SRGAP3: variants seen among roughly 807,000 people sequenced by gnomAD.
SRGAP3 encodes SLIT-ROBO Rho GTPase-activating protein 3.
Under a neutral mutation model 121.1 loss-of-function variants are expected in SRGAP3, and 39 were observed. That is an observed-to-expected ratio of 0.32 (90% confidence interval 0.25 to 0.42). The LOEUF (loss-of-function observed/expected upper bound fraction) is 0.42, where lower values mean the gene tolerates loss of function less well. Ranked by LOEUF, SRGAP3 falls within the 10% of genes least tolerant of loss-of-function variation. The pLI, the probability that SRGAP3 is intolerant of heterozygous loss-of-function variation, is 1.00. For missense variants in SRGAP3, 1,213 were observed against 1,470.6 expected, an observed-to-expected ratio of 0.82 and a Z score of 2.86; for synonymous variants, 601 against 570.0, an observed-to-expected ratio of 1.05 and a Z score of -0.77.
intron 1 of SRGAP3, among the ~76,000 whole-genome samples, chr3:9,142,409 A>G (rs1430003667): frequency 6.6e-6 from 1 of 152,230 alleles, no homozygotes; most frequent in Non-Finnish European, 1.5e-5. Context: ...CCAATGTCGT[A>G]GCAAATTTCA....
chr3:9,144,856 G>A (rs1387625730), intron 1 of SRGAP3, among the ~76,000 whole-genome samples: 1 of 152,196 alleles, frequency 6.6e-6, no homozygotes, highest in African/African-American at 2.4e-5. Flanking sequence ...TGGGGAAATT[G>A]AGTAACTACC....
chr3:9,000,005 A>G (rs1361015173), intron 18 of SRGAP3, among the ~76,000 whole-genome samples: 2 of 152,224 alleles, frequency 1.3e-5, no homozygotes, highest in African/African-American at 4.8e-5. Context: ...CTGTTACTTG[A>G]ACCAAGACTG....
rs769950004 is a variant in SRGAP3 at position 8,985,691 on chromosome 3, A to G, written c.3128T>C (p.Leu1043Pro). ...CTGGGCGCCAGCCAGGCGGGCGGAC[A>G]GGGCTGGCTTGAAGGTGGTCATCAT... ...TEMMTTFKPA[L>P]SARLAGAQLR... Residue 1043 changes from leucine (L) to proline (P), a missense_variant, in exon 22 of 22, where the codon CTG becomes CCG. By Grantham distance (98) the Leu-to-Pro change is moderately conservative. This residue lies in a region of SRGAP3 where 420 missense variants were observed against 437.7 expected (regional missense o/e 0.96). Transcript: ENST00000383836. This position sits in a 1 kb window ranked among gnomAD's most constrained non-coding sequence, Gnocchi z 5.1. The G allele has an allele frequency of 6.9e-6, 11 of 1,596,550 alleles. No individual in the cohort carries two copies. The East Asian group carries it at 2.5e-4, about 36-fold the overall frequency.
intron 3 of SRGAP3, among the ~76,000 whole-genome samples, chr3:9,310,094 C>T (rs886334313): frequency 1.3e-5 from 2 of 152,038 alleles, no homozygotes; most frequent in African/African-American, 2.4e-5. Context: ...AAAAGAAAAC[C>T]GAGGACGAGA....
At chr3:9,118,872 T>C (rs2124960803) in intron 2 of SRGAP3, among the ~76,000 whole-genome samples, 1 of 152,258 alleles carries the variant, frequency 6.6e-6, no homozygotes, top group African/African-American at 2.4e-5. Context: ...CATGAGCGAG[T>C]GACACTTCAC....
intron 1 of SRGAP3, among the ~76,000 whole-genome samples, chr3:9,360,659 G>GA (rs1451750988): frequency 6.6e-6 from 1 of 152,222 alleles, no homozygotes; most frequent in East Asian, 1.9e-4. Flanking sequence ...CATGGCGGCA[G>GA]CAAGAAAGAG....
chr3:9,067,400 AT>A (rs1946481079), intron 4 of SRGAP3, among the ~76,000 whole-genome samples: 1 of 151,906 alleles, frequency 6.6e-6, no homozygotes, highest in South Asian at 2.1e-4. Context: ...CGTTCCGTCC[AT>A]TTTTGCTCAT....
At position 9,032,674 on chromosome 3, in the gene SRGAP3, G is replaced by A. The variant is rs759293238; in HGVS notation, c.1515C>T (p.Asn505=). The part of the protein sequence containing the change: ...PLSVYSHKLF[N]GSMEAFIKDS... ...CCTTAATGAATGCTTCCATACTGCC[G>A]TTAAAGAGTTTATGGCTATACACTG... is the stretch of plus-strand genomic sequence containing the variant. Residue 505 remains asparagine (N), a synonymous_variant, in exon 12 of 22, where the codon AAC becomes AAT. Transcript: ENST00000383836. The A allele has an allele frequency of 3.7e-6, 6 of 1,613,484 alleles. No homozygotes were observed. The highest frequency in any genetic ancestry group is 1.1e-5 in the South Asian group (1 of 91,040).
At chr3:9,275,791 C>A (rs1954562858) in intron 3 of SRGAP3, among the ~76,000 whole-genome samples, 1 of 152,118 alleles carries the variant, frequency 6.6e-6, no homozygotes, top group South Asian at 2.1e-4. Flanking sequence ...AAAAATTACC[C>A]AGTTTCAGGT....
At chr3:9,037,749 T>A in intron 11 of SRGAP3, 1 of 458,588 alleles carries the variant, frequency 2.2e-6, no homozygotes, top group South Asian at 2.5e-5. Context: ...CCCTACAGGC[T>A]GCCCTCAGCC....
chr3:9,064,453 G>C lies in SRGAP3; in HGVS notation c.615C>G (p.His205Gln), dbSNP rs201116450. ...SGDLSMNLLR[H>Q]EDRPQRRSSV... is the part of the protein sequence containing the mutation. ...AGCTGCGGCGCTGGGGCCGGTCCTC[G>C]TGCCGGAGCAGGTTCATGCTGAGGT... Residue 205 changes from histidine to glutamine, a missense_variant, in exon 5 of 22, where the codon CAC becomes CAG. His to Gln is a conservative substitution (Grantham distance 24). Coordinates refer to ENST00000383836, the MANE Select transcript of SRGAP3 (RefSeq NM_014850.4). 2.5e-6 allele frequency: 4 copies of C among 1,614,098 alleles called. No individual in the cohort carries two copies. Among genetic ancestry groups the C allele is most frequent in the African/African-American group, 2.7e-5 (2 of 74,944 alleles).
At chr3:9,023,814 G>A (rs920994222) in intron 14 of SRGAP3, among the ~76,000 whole-genome samples, 1 of 152,182 alleles carries the variant, frequency 6.6e-6, no homozygotes, top group African/African-American at 2.4e-5. Context: ...GATCCTTGAG[G>A]AGGCTCCAGA....
intron 1 of SRGAP3, among the ~76,000 whole-genome samples, chr3:9,136,629 T>C (rs1949675593): frequency 6.6e-6 from 1 of 152,216 alleles, no homozygotes; most frequent in South Asian, 2.1e-4. Context: ...TCCTCAATTA[T>C]TAAATAATAC....
intron 3 of SRGAP3, among the ~76,000 whole-genome samples, chr3:9,080,585 A>T (rs1278813923): frequency 6.6e-6 from 1 of 152,220 alleles, no homozygotes; most frequent in Non-Finnish European, 1.5e-5. Flanking sequence ...CAGGTCCTCC[A>T]GAATATGAGT....
intron 1 of SRGAP3, among the ~76,000 whole-genome samples, chr3:9,227,160 C>T (rs1043417561): frequency 1.3e-5 from 2 of 152,158 alleles, no homozygotes; most frequent in Non-Finnish European, 2.9e-5. Flanking sequence ...TAAGAGCTGC[C>T]AGAAGTCTGG....
intron 3 of SRGAP3, among the ~76,000 whole-genome samples, chr3:9,298,485 G>C (rs1044776049): frequency 1.2e-4 from 18 of 152,112 alleles, no homozygotes; most frequent in African/African-American, 4.1e-4. Context: ...GGCTGTGATA[G>C]CTAGTATCCA....
intron 1 of SRGAP3, among the ~76,000 whole-genome samples, chr3:9,140,711 G>A (rs1949817555): frequency 6.6e-6 from 1 of 152,246 alleles, no homozygotes; most frequent in South Asian, 2.1e-4. Context: ...TACAAAAACA[G>A]GTAATGGGCT....
At chr3:9,187,827 A>G (rs979289736) in intron 1 of SRGAP3, among the ~76,000 whole-genome samples, 7 of 152,230 alleles carry the variant, frequency 4.6e-5, no homozygotes, top group South Asian at 2.1e-4. Flanking sequence ...GACGTGACTT[A>G]TACCCGTCAG....
rs764850232 is a variant in SRGAP3, at chr3:8,985,740, G to C, written c.3079C>G (p.Arg1027Gly). 6.9e-6 allele frequency: 11 copies of C among 1,597,924 alleles called. No individual in the cohort carries two copies. Among genetic ancestry groups the C allele is most frequent in the Non-Finnish European group, 9.3e-6 (11 of 1,179,356 alleles). The change falls in exon 22 of 22, where the codon CGC (arginine) becomes GGC (glycine). Residue 1027 changes from arginine to glycine, a missense_variant. This residue lies in a region of SRGAP3 where 420 missense variants were observed against 437.7 expected (regional missense o/e 0.96). Coordinates refer to ENST00000383836, the MANE Select transcript of SRGAP3 (RefSeq NM_014850.4). This position sits in a 1 kb window ranked among gnomAD's most constrained non-coding sequence, Gnocchi z 5.1. The stretch of plus-strand genomic sequence containing the variant: ...ATCTCGGTGGAGGAGCTGCTGCTGC[G>C]GCGCATGGCGGCATCGGGGTCGCGG... ...VIRDPDAAMR[R>G]SSSSSTEMMT... is the part of the protein sequence containing the mutation.
Sources: gnomAD v4.1 joint callset for allele counts (sites outside exome capture counted in the v4.1 genomes callset) on GRCh38, gnomAD v4.1.1 for gene constraint, gnomAD v4.1.1 regional missense constraint, Gnocchi (gnomAD v3.1) non-coding constraint, MANE v1.5 for transcripts, NCBI Gene and HGNC (gene_info 2026-07-23, HGNC 2026-07-21) for gene names.